Variants in HS3ST4 observed in about 807,000 individuals in gnomAD.
The protein encoded by HS3ST4 is heparan sulfate glucosamine 3-O-sulfotransferase 4.
In HS3ST4, 17 loss-of-function variants were observed where a neutral mutation model predicts 29.2. That is an observed-to-expected ratio of 0.58 (90% CI 0.40 to 0.87). HS3ST4 has a LOEUF of 0.87. HS3ST4 is among the 40% of genes least tolerant of loss of function. The probability of loss-of-function intolerance (pLI) is 0.00; values close to 1 mark genes in which losing one functional copy is unlikely to be tolerated. For missense variants in HS3ST4, 627 were observed against 634.5 expected (o/e 0.99, Z 0.13); for synonymous variants, 314 against 285.7 (o/e 1.10, Z -1.00).
At chr16:25,888,078 G>C (rs760481614) in intron 1 of HS3ST4, among the ~76,000 whole-genome samples, 17 of 152,114 alleles carry the variant, frequency 1.1e-4, no homozygotes, top group Non-Finnish European at 2.9e-5. Context: ...TGTTGTTCAT[G>C]CCATGAAAGT....
intron 1 of HS3ST4, among the ~76,000 whole-genome samples, chr16:25,828,272 C>CTTTT (rs1416304002): frequency 1.2e-5 from 1 of 86,292 alleles, no homozygotes; most frequent in East Asian, 2.6e-4. Flanking sequence ...TTCTTTCTTT[C>CTTTT]TTTCTTTCTT....
rs114240120 is a variant in HS3ST4, at chr16:25,972,420, G to C, written c.735-163192G>C. Among the ~76,000 whole-genome samples, 1,343 of 152,288 alleles carry C rather than the reference G, an allele frequency of 8.8e-3. 22 individuals carry two copies. The highest frequency in any genetic ancestry group is 0.031 in the African/African-American group (1,302 of 41,554). ...GGTGCTAACCAGTGCAGTTATTTTA[G>C]AGCTTGAAGCAGAGCAGCTTCCAAG... On this transcript the variant is annotated intron_variant, in intron 1 of 1. Coordinates refer to ENST00000331351, the MANE Select transcript of HS3ST4 (RefSeq NM_006040.3).
intron 1 of HS3ST4, among the ~76,000 whole-genome samples, chr16:25,756,178 C>G (rs1025007207): frequency 1.3e-5 from 2 of 150,092 alleles, no homozygotes; most frequent in Non-Finnish European, 3.0e-5. Context: ...ACACACACAC[C>G]CTGCCTTATT....
At chr16:26,126,691 T>TG (rs1169060051) in intron 1 of HS3ST4, among the ~76,000 whole-genome samples, 3 of 152,174 alleles carry the variant, frequency 2.0e-5, no homozygotes, top group African/African-American at 7.2e-5. Flanking sequence ...TGGCAGTGTC[T>TG]GCAGACATCT....
At chr16:25,741,953 A>G (rs1596557971) in intron 1 of HS3ST4, among the ~76,000 whole-genome samples, 1 of 152,170 alleles carries the variant, frequency 6.6e-6, no homozygotes, top group East Asian at 1.9e-4. Flanking sequence ...CTTTTTGCTA[A>G]GATCTATGGT....
intron 1 of HS3ST4, among the ~76,000 whole-genome samples, chr16:26,042,982 A>AC (rs34088002): frequency 4.0e-5 from 6 of 151,896 alleles, no homozygotes; most frequent in African/African-American, 1.2e-4. Context: ...GCTTTCTAAC[A>AC]CCCCCCAATT....
At chr16:26,056,182 C>A (rs1238030048) in intron 1 of HS3ST4, among the ~76,000 whole-genome samples, 2 of 152,150 alleles carry the variant, frequency 1.3e-5, no homozygotes, top group African/African-American at 4.8e-5. Flanking sequence ...AAGGCAAGGG[C>A]TAAACATCTG....
At chr16:25,785,922 A>G (rs977736727) in intron 1 of HS3ST4, among the ~76,000 whole-genome samples, 1 of 152,162 alleles carries the variant, frequency 6.6e-6, no homozygotes, top group Non-Finnish European at 1.5e-5. Flanking sequence ...AAGCTGCCAT[A>G]TTTGAAGACA....
intron 1 of HS3ST4, among the ~76,000 whole-genome samples, chr16:26,090,349 T>C (rs1898841937): frequency 6.6e-6 from 1 of 151,930 alleles, no homozygotes; most frequent in African/African-American, 2.4e-5. Flanking sequence ...CTGCCAGAAG[T>C]CACTAATCAT....
chr16:26,115,702 G>A (rs755934730), intron 1 of HS3ST4, among the ~76,000 whole-genome samples: 6 of 152,024 alleles, frequency 3.9e-5, no homozygotes, highest in Non-Finnish European at 7.4e-5. Context: ...GTGCCTCAAG[G>A]CAGCATATCA....
chr16:26,104,890 C>T (rs1899032275), intron 1 of HS3ST4, among the ~76,000 whole-genome samples: 1 of 152,184 alleles, frequency 6.6e-6, no homozygotes, highest in African/African-American at 2.4e-5. Context: ...TCTCCCACAC[C>T]TCAAACTCAA....
chr16:26,068,899 A>T (rs895100475), intron 1 of HS3ST4, among the ~76,000 whole-genome samples: 5 of 152,120 alleles, frequency 3.3e-5, no homozygotes, highest in Non-Finnish European at 4.4e-5. Context: ...ATCTTGATAC[A>T]CTGTTTGCAA....
intron 1 of HS3ST4, among the ~76,000 whole-genome samples, chr16:25,703,402 T>C (rs903899759): frequency 6.6e-5 from 10 of 152,192 alleles, no homozygotes; most frequent in South Asian, 2.1e-4. Flanking sequence ...TCCTTTAGGC[T>C]TCACTGGCAC....
Position 25,991,818 on chromosome 16 carries a change from A to G in HS3ST4, c.735-143794A>G, listed in dbSNP as rs550269538. Among the ~76,000 whole-genome samples the G allele has an allele frequency of 8.3e-3, 1,257 of 152,240 alleles. 9 individuals carry two copies. Among genetic ancestry groups the G allele is most frequent in the Non-Finnish European group, 0.013 (906 of 68,004 alleles). On this transcript the variant is annotated intron_variant, in intron 1 of 1. Transcript: ENST00000331351. Reference sequence around the variant, plus strand: ...GGGTGGATCACAAGGTCAGGAGATCAAGACCATCCTGGCTAACACGGTGAA... The same window carrying G: ...GGGTGGATCACAAGGTCAGGAGATCGAGACCATCCTGGCTAACACGGTGAA...
intron 1 of HS3ST4, among the ~76,000 whole-genome samples, chr16:25,877,226 C>T (rs2141662409): frequency 6.6e-6 from 1 of 152,190 alleles, no homozygotes; most frequent in African/African-American, 2.4e-5. Context: ...AAATTCATGT[C>T]TACCCAGAAT....
chr16:25,826,559 C>A (rs1032401059), intron 1 of HS3ST4, among the ~76,000 whole-genome samples: 1 of 151,866 alleles, frequency 6.6e-6, no homozygotes, highest in African/African-American at 2.4e-5. Flanking sequence ...AGGATATTAT[C>A]AAGGAAATTG....
At chr16:25,715,549 C>G (rs991074960) in intron 1 of HS3ST4, among the ~76,000 whole-genome samples, 1 of 152,224 alleles carries the variant, frequency 6.6e-6, no homozygotes, top group African/African-American at 2.4e-5. Flanking sequence ...ATGCTCCTTT[C>G]TCTTCTGCAT....
intron 1 of HS3ST4, among the ~76,000 whole-genome samples, chr16:26,118,854 TA>T (rs1899234157): frequency 6.6e-6 from 1 of 152,152 alleles, no homozygotes; most frequent in African/African-American, 2.4e-5. Flanking sequence ...ACATACCATA[TA>T]GGGCTCGTAA....
intron 1 of HS3ST4, among the ~76,000 whole-genome samples, chr16:25,942,196 G>T (rs1968578622): frequency 6.6e-6 from 1 of 152,148 alleles, no homozygotes; most frequent in Non-Finnish European, 1.5e-5. Context: ...AGGTCCTGGT[G>T]CCCCTAACCT....
Sources: allele counts gnomAD v4.1 joint callset (sites outside exome capture counted in the v4.1 genomes callset), GRCh38; gene constraint gnomAD v4.1.1; transcripts MANE v1.5; gene names NCBI Gene and HGNC (gene_info 2026-07-23, HGNC 2026-07-21).